The following ADGRL3 variants were observed in gnomAD, a reference collection of about 807,000 sequenced individuals.
ADGRL3 encodes the protein calcium-independent alpha-latrotoxin receptor 3.
Under a neutral mutation model 153.5 loss-of-function variants are expected in ADGRL3, and 62 were observed. That is an observed-to-expected ratio of 0.40 (90% CI 0.33 to 0.50). The LOEUF is 0.50. ADGRL3 is among the 20% of genes least tolerant of loss of function. The pLI, the probability that ADGRL3 is intolerant of heterozygous loss-of-function variation, is 0.47. For synonymous variants in ADGRL3, 710 were observed against 672.5 expected (o/e 1.06, Z -0.86); for missense variants, 1,641 against 1,859.4 (o/e 0.88, Z 2.16).
chr4:61,879,391 T>G (rs1462553442), intron 9 of ADGRL3, among the ~76,000 whole-genome samples: 4 of 152,162 alleles, frequency 2.6e-5, no homozygotes. Flanking sequence ...ATACACATAA[T>G]GAGATATCTT....
intron 6 of ADGRL3, among the ~76,000 whole-genome samples, chr4:61,703,504 T>A (rs536990740): frequency 1.3e-5 from 2 of 152,252 alleles, no homozygotes; most frequent in African/African-American, 2.4e-5. Context: ...TCTATCTGGT[T>A]AAAAATATGT....
chr4:61,797,589 A>G (rs2097430245), intron 8 of ADGRL3, among the ~76,000 whole-genome samples: 2 of 152,180 alleles, frequency 1.3e-5, no homozygotes, highest in Admixed American at 1.3e-4. Context: ...AATATCATCA[A>G]TGTGATCATT....
rs982948349 is a variant in ADGRL3 at position 61,200,822 on chromosome 4, G to A, written c.-1183G>A. 6.6e-6 allele frequency among the ~76,000 whole-genome samples: 1 copy of A among 152,058 alleles called. No individual in the cohort carries two copies. The highest frequency in any genetic ancestry group is 1.5e-5 in the Non-Finnish European group (1 of 68,004). On this transcript the variant is annotated 5_prime_UTR_variant, in exon 1 of 27. Transcript: ENST00000683033. ...GGCGGCGCAGAGCCCGGGGCCGCGC[G>A]ATGAAGCTCCCACATGCCCGCAGCT...
chr4:62,021,627 A>G (rs1377413799), intron 21 of ADGRL3, among the ~76,000 whole-genome samples: 1 of 152,074 alleles, frequency 6.6e-6, no homozygotes, highest in Non-Finnish European at 1.5e-5. Flanking sequence ...TATCAGTGCC[A>G]TTTTTCCAAC....
intron 1 of ADGRL3, among the ~76,000 whole-genome samples, chr4:61,344,841 C>T (rs1200812472): frequency 6.6e-6 from 1 of 151,930 alleles, no homozygotes; most frequent in Non-Finnish European, 1.5e-5. Flanking sequence ...GGCTGGAGTG[C>T]AATGGTGTGA....
At chr4:61,975,578 T>A (rs1310961679) in intron 17 of ADGRL3, among the ~76,000 whole-genome samples, 1 of 152,166 alleles carries the variant, frequency 6.6e-6, no homozygotes, top group South Asian at 2.1e-4. Context: ...AGAGGAGCAA[T>A]GTCGTGTGAC....
At chr4:61,649,011 C>T (rs1177015839) in intron 5 of ADGRL3, among the ~76,000 whole-genome samples, 2 of 151,926 alleles carry the variant, frequency 1.3e-5, no homozygotes, top group East Asian at 1.9e-4. Context: ...TTCCCAGCAA[C>T]CCCAAATCTA....
intron 1 of ADGRL3, among the ~76,000 whole-genome samples, chr4:61,215,246 CAG>C (rs1206047566): frequency 2.0e-5 from 3 of 152,132 alleles, no homozygotes; most frequent in East Asian, 3.9e-4. Context: ...ATTTATGGGA[CAG>C]AGTTTAATGC....
At chr4:61,650,436 A>G (rs1481286664) in intron 5 of ADGRL3, among the ~76,000 whole-genome samples, 1 of 152,286 alleles carries the variant, frequency 6.6e-6, no homozygotes, top group East Asian at 1.9e-4. Context: ...CAGTTATATT[A>G]TTAACCCTGT....
At chr4:61,491,056 T>C (rs193080572) in intron 2 of ADGRL3, among the ~76,000 whole-genome samples, 168 of 152,266 alleles carry the variant, frequency 1.1e-3, no homozygotes, top group Non-Finnish European at 2.1e-3. Flanking sequence ...GATAGGATGG[T>C]GATGGAAAGA....
At chr4:61,644,689 A>G (rs6551639) in intron 5 of ADGRL3, among the ~76,000 whole-genome samples, 111,484 of 151,954 alleles carry the variant, frequency 0.73, 41,256 homozygotes, top group South Asian at 0.8. Flanking sequence ...ATTTGCTGAG[A>G]AGAGCTTTAC....
chr4:61,750,030 G>A (rs2096732275), intron 8 of ADGRL3, among the ~76,000 whole-genome samples: 1 of 151,798 alleles, frequency 6.6e-6, no homozygotes, highest in African/African-American at 2.4e-5. Context: ...CTTTCCTTCA[G>A]ACAGGTACTA....
At chr4:61,554,396 A>G (rs1268759113) in intron 4 of ADGRL3, among the ~76,000 whole-genome samples, 3 of 151,888 alleles carry the variant, frequency 2.0e-5, no homozygotes, top group Admixed American at 6.6e-5. Flanking sequence ...GGGTTTCACA[A>G]TGTTGGTCAG....
intron 1 of ADGRL3, among the ~76,000 whole-genome samples, chr4:61,282,475 T>A (rs2093760498): frequency 6.6e-6 from 1 of 151,972 alleles, no homozygotes; most frequent in Admixed American, 6.6e-5. Flanking sequence ...TGTGTATGGG[T>A]TTTTTGCACA....
At chr4:61,850,754 G>A (rs1417952437) in intron 9 of ADGRL3, among the ~76,000 whole-genome samples, 2 of 152,094 alleles carry the variant, frequency 1.3e-5, no homozygotes, top group Admixed American at 6.5e-5. Context: ...CAGAAGGATT[G>A]TAGTTAAGTG....
chr4:61,516,589 A>G (rs560412886), intron 3 of ADGRL3, among the ~76,000 whole-genome samples: 7 of 152,172 alleles, frequency 4.6e-5, no homozygotes, highest in Non-Finnish European at 7.4e-5. Flanking sequence ...AAAATCATGT[A>G]TACTTTTTTT....
At chr4:61,511,959 A>G (rs997510922) in intron 3 of ADGRL3, among the ~76,000 whole-genome samples, 1 of 152,160 alleles carries the variant, frequency 6.6e-6, no homozygotes. Flanking sequence ...TTAGGGAGAA[A>G]TCAAGAAAGA....
intron 9 of ADGRL3, 43 bp from the exon 10 acceptor site, chr4:61,892,613 G>T: frequency 6.8e-7 from 1 of 1,463,128 alleles, no homozygotes; most frequent in Non-Finnish European, 9.6e-7. Flanking sequence ...AGGTCCTCCT[G>T]TGAACAAGCA....
At chr4:61,402,119 A>G (rs1429385002) in intron 2 of ADGRL3, among the ~76,000 whole-genome samples, 1 of 152,014 alleles carries the variant, frequency 6.6e-6, no homozygotes, top group Non-Finnish European at 1.5e-5. Context: ...TTCCTCTTTG[A>G]CTTTCTTCAA....
Sources: allele counts gnomAD v4.1 joint callset (sites outside exome capture counted in the v4.1 genomes callset), GRCh38; gene constraint gnomAD v4.1.1; transcripts MANE v1.5; gene names NCBI Gene and HGNC (gene_info 2026-07-23, HGNC 2026-07-21).